Variants in UACA observed in about 807,000 individuals in gnomAD.
UACA encodes uveal autoantigen with coiled-coil domains and ankyrin repeats.
UACA carries 112 observed loss-of-function variants against 160.5 expected under a neutral mutation model. The observed-to-expected ratio is 0.70, with a 90% confidence interval of 0.60 to 0.82. The LOEUF is 0.82. Ranked by LOEUF, UACA falls within the 40% of genes least tolerant of loss-of-function variation. The pLI, the probability that UACA is intolerant of heterozygous loss-of-function variation, is 0.00. For missense variants in UACA, 1,574 were observed against 1,614.6 expected, an observed-to-expected ratio of 0.97 and a Z score of 0.43; for synonymous variants, 557 against 568.4, an observed-to-expected ratio of 0.98 and a Z score of 0.29.
the UACA span, among the ~76,000 whole-genome samples, chr15:70,773,129 G>T: frequency 6.6e-6 from 1 of 151,914 alleles, no homozygotes; most frequent in Non-Finnish European, 1.5e-5. Flanking sequence ...AATGGCTAGA[G>T]AATAGGCAGG....
At chr15:70,660,075 C>T in intron 18 of UACA, 76 bp downstream of exon 18, 1 of 1,216,032 alleles carries the variant, frequency 8.2e-7, no homozygotes, top group Non-Finnish European at 1.2e-6. Flanking sequence ...CAATTACTTT[C>T]ACATAAATTT....
intron 1 of UACA, among the ~76,000 whole-genome samples, chr15:70,712,348 C>T (rs116219991): frequency 0.011 from 1,621 of 152,184 alleles, 25 homozygotes; most frequent in African/African-American, 0.038. Flanking sequence ...ATCAAAATTA[C>T]CCTATTCCAA....
chr15:70,687,430 G>T (rs1390137812), intron 7 of UACA, 110 bp downstream of exon 7: 7 of 926,690 alleles, frequency 7.6e-6, no homozygotes, highest in Non-Finnish European at 1.2e-5. Context: ...GGGAAGGGGA[G>T]AACCCACAGG....
chr15:70,677,135 A>G lies in UACA; in HGVS notation c.1005T>C (p.Val335=), dbSNP rs1897325742. The change falls in exon 12 of 19, where the codon GTT becomes GTC. Residue 335 remains valine (V), a synonymous_variant. Coordinates refer to ENST00000322954, the MANE Select transcript of UACA (RefSeq NM_018003.4). ...NGLQLQLNEE[V]MVADDLESER... The stretch of plus-strand genomic sequence containing the variant: ...CGCTTTCCAGATCATCAGCAACCAT[A>G]ACTTCCTAAATTTAAAAAGAACACA... The G allele has an allele frequency of 6.2e-7, 1 of 1,601,984 alleles. No individual in the cohort carries two copies. Among genetic ancestry groups the G allele is most frequent in the Non-Finnish European group, 8.5e-7 (1 of 1,173,820 alleles).
chr15:70,703,144 G>C (rs1261383719), intron 1 of UACA: 2 of 1,288,976 alleles, frequency 1.6e-6, no homozygotes, highest in Admixed American at 2.3e-5. Flanking sequence ...ACATTACCAA[G>C]GCCGGTGCAA....
intron 16 of UACA, 57 bp from the exon 17 acceptor site, chr15:70,664,871 T>C: frequency 1.4e-6 from 2 of 1,463,896 alleles, no homozygotes; most frequent in Non-Finnish European, 1.8e-6. Flanking sequence ...ACAATGAACA[T>C]CTTTGTACAG....
At chr15:70,708,561 A>T (rs1898587538) in intron 1 of UACA, among the ~76,000 whole-genome samples, 1 of 151,292 alleles carries the variant, frequency 6.6e-6, no homozygotes, top group Non-Finnish European at 1.5e-5. Context: ...TCCACCACCC[A>T]GGTTCAAGCT....
intron 3 of UACA, 74 bp downstream of exon 3, chr15:70,694,943 G>T: frequency 8.5e-7 from 1 of 1,171,318 alleles, no homozygotes; most frequent in Non-Finnish European, 1.3e-6. Flanking sequence ...ATTTAGGTCT[G>T]AATAAAAATG....
At chr15:70,722,068 G>A (rs945114955) in intron 1 of UACA, among the ~76,000 whole-genome samples, 2 of 152,182 alleles carry the variant, frequency 1.3e-5, no homozygotes, top group African/African-American at 4.8e-5. Flanking sequence ...ACTCAGATAA[G>A]GGATGGCCTT....
intron 13 of UACA, among the ~76,000 whole-genome samples, chr15:70,673,774 G>C (rs1397790625): frequency 6.6e-6 from 1 of 152,164 alleles, no homozygotes. Context: ...TAATTCCTTT[G>C]ACAGTTAAGC....
intron 3 of UACA, among the ~76,000 whole-genome samples, chr15:70,692,128 A>G (rs1286727380): frequency 6.6e-6 from 1 of 152,158 alleles, no homozygotes; most frequent in Non-Finnish European, 1.5e-5. Flanking sequence ...CTAACATTTA[A>G]TGCTCTTAAT....
Position 70,667,117 on chromosome 15 carries a change from T to C in UACA, c.3567A>G (p.Glu1189=), listed in dbSNP as rs747398460. ...EVGIIKASLR[E]KEEESQNKME... Reference sequence around the variant, plus strand: ...TTTTGTTTTGGCTTTCTTCTTCCTTTTCTCTCAAGCTGGCTTTTATGATTC... The same window carrying C: ...TTTTGTTTTGGCTTTCTTCTTCCTTCTCTCTCAAGCTGGCTTTTATGATTC... The change falls in exon 16 of 19, where the codon GAA becomes GAG. Residue 1189 remains glutamate (E), a synonymous_variant. Transcript: ENST00000322954. 5 of 1,613,108 alleles carry C rather than the reference T, an allele frequency of 3.1e-6. No homozygotes were observed. Among genetic ancestry groups the C allele is most frequent in the Admixed American group, 3.3e-5 (2 of 59,846 alleles).
rs1216005979 is a variant in UACA, at chr15:70,738,234, G to A, written c.78+25096C>T. 3.3e-5 allele frequency among the ~76,000 whole-genome samples: 5 copies of A among 151,518 alleles called. No homozygotes were observed. In the East Asian group the frequency reaches 9.7e-4, roughly 29 times the overall value. On this transcript the variant is annotated intron_variant, in intron 1 of 18. Coordinates refer to ENST00000322954, the MANE Select transcript of UACA (RefSeq NM_018003.4). The stretch of plus-strand genomic sequence containing the variant: ...TTTTTCTTCCGGTTTCTGCATCCTG[G>A]ACTATTATAATAATCTATTAATTGG...
At chr15:70,727,734 T>A (rs1281362666) in intron 1 of UACA, among the ~76,000 whole-genome samples, 1 of 152,254 alleles carries the variant, frequency 6.6e-6, no homozygotes, top group African/African-American at 2.4e-5. Flanking sequence ...TATTAATTAC[T>A]AAATATCTTA....
chr15:70,776,484 G>A, the UACA span, among the ~76,000 whole-genome samples: 1 of 148,002 alleles, frequency 6.8e-6, no homozygotes, highest in South Asian at 2.2e-4. Context: ...CTGGAGTGCA[G>A]TGGCGTGATC....
At chr15:70,761,122 T>A (rs545356545) in intron 1 of UACA, among the ~76,000 whole-genome samples, 46 of 149,778 alleles carry the variant, frequency 3.1e-4, no homozygotes, top group Non-Finnish European at 4.6e-4. Context: ...TTTACAGTTT[T>A]AAAAAAAAAA....
chr15:70,759,683 TA>T (rs2030634516), intron 1 of UACA, among the ~76,000 whole-genome samples: 1 of 152,178 alleles, frequency 6.6e-6, no homozygotes, highest in African/African-American at 2.4e-5. Flanking sequence ...ATAATAAATG[TA>T]ACAATAAAAA....
chr15:70,702,837 C>T (rs1256177827), intron 1 of UACA, among the ~76,000 whole-genome samples: 1 of 152,192 alleles, frequency 6.6e-6, no homozygotes, highest in African/African-American at 2.4e-5. Context: ...GCCAGAGGCA[C>T]TGCCAAAACA....
In UACA at chr15:70,656,932, A is replaced by G. The variant is rs1248828953; in HGVS notation, c.*124T>C. 4 of 621,072 alleles carry G rather than the reference A, an allele frequency of 6.4e-6. No individual in the cohort carries two copies. Among genetic ancestry groups the G allele is most frequent in the Non-Finnish European group, 1.1e-5 (4 of 380,794 alleles). The allele number at this position is 621,072 out of a possible 1,614,324, so 38.5% of individuals were successfully genotyped here. Reference sequence around the variant, plus strand: ...TCTAATTTTAAAAAAAAACCTACCAATAGAACAAAATATATTTTATTTTAA... The same window carrying G: ...TCTAATTTTAAAAAAAAACCTACCAGTAGAACAAAATATATTTTATTTTAA... On this transcript the variant is annotated 3_prime_UTR_variant, in exon 19 of 19. Coordinates refer to ENST00000322954, the MANE Select transcript of UACA (RefSeq NM_018003.4).
Sources: gnomAD v4.1 joint callset for allele counts (sites outside exome capture counted in the v4.1 genomes callset) on GRCh38, gnomAD v4.1.1 for gene constraint, MANE v1.5 for transcripts, NCBI Gene and HGNC (gene_info 2026-07-23, HGNC 2026-07-21) for gene names.